Variants in LEMD3 observed in about 807,000 individuals in gnomAD.
LEMD3 encodes the protein LEM domain containing 3, also known as inner nuclear membrane protein Man1.
LEMD3 carries 33 observed loss-of-function variants against 95.2 expected under a neutral mutation model. The observed-to-expected ratio is 0.35, with a 90% confidence interval of 0.26 to 0.46. The LOEUF (loss-of-function observed/expected upper bound fraction) is 0.46. Ranked by LOEUF, LEMD3 falls within the 20% of genes least tolerant of loss-of-function variation. The pLI is 1.00. For missense variants in LEMD3, 1,210 were observed against 1,192.8 expected, an observed-to-expected ratio of 1.01 and a Z score of -0.21; for synonymous variants, 525 against 474.6, an observed-to-expected ratio of 1.11 and a Z score of -1.38.
chr12:65,174,106 T>C (rs747638679), intron 1 of LEMD3, among the ~76,000 whole-genome samples: 43 of 152,212 alleles, frequency 2.8e-4, no homozygotes, highest in Non-Finnish European at 5.3e-4. Flanking sequence ...AGAGTAACTT[T>C]TAGGAGGCTT....
In LEMD3 at chr12:65,175,372, C is replaced by G. The variant is rs547231641; in HGVS notation, c.1522+4254C>G. 4.8e-4 allele frequency among the ~76,000 whole-genome samples: 73 copies of G among 152,248 alleles called. No individual in the cohort carries two copies. In the South Asian group the frequency reaches 0.014, roughly 30 times the overall value. On this transcript the variant is annotated intron_variant, in intron 1 of 12. Coordinates refer to ENST00000308330, the MANE Select transcript of LEMD3 (RefSeq NM_014319.5). ...TCTAAAAATGTTGCTCTTCTGTGCT[C>G]TTTTCTTCTCTAGTTGTTACTCTTC...
At chr12:65,219,779 T>TA (rs1870228869) in intron 4 of LEMD3, among the ~76,000 whole-genome samples, 1 of 152,206 alleles carries the variant, frequency 6.6e-6, no homozygotes, top group Non-Finnish European at 1.5e-5. Context: ...GATTAACAGA[T>TA]ACCTCATATA....
chr12:65,237,743 C>A (rs1025414480), intron 4 of LEMD3, among the ~76,000 whole-genome samples: 3 of 152,104 alleles, frequency 2.0e-5, no homozygotes, highest in African/African-American at 7.2e-5. Flanking sequence ...AAGATGAATG[C>A]TAGTTTTTCA....
At chr12:65,223,299 ATTTTTTTTTTT>A (rs35145654) in intron 4 of LEMD3, among the ~76,000 whole-genome samples, 6 of 118,658 alleles carry the variant, frequency 5.1e-5, no homozygotes, top group Non-Finnish European at 1.0e-4. Context: ...TCATGTGATG[ATTTTTTTTTTT>A]TTTTTTTTTT....
intron 1 of LEMD3, among the ~76,000 whole-genome samples, chr12:65,208,251 G>A (rs1869824299): frequency 6.6e-6 from 1 of 152,218 alleles, no homozygotes; most frequent in Middle Eastern, 3.4e-3. Flanking sequence ...TGTTGGGAGT[G>A]TAGGGTTAAA....
chr12:65,183,564 A>G (rs1868970282), intron 1 of LEMD3, among the ~76,000 whole-genome samples: 1 of 152,196 alleles, frequency 6.6e-6, no homozygotes, highest in Non-Finnish European at 1.5e-5. Context: ...TTTTAGACAT[A>G]GACAGTGAGG....
chr12:65,214,492 G>A (rs981371289), intron 2 of LEMD3, among the ~76,000 whole-genome samples: 12 of 152,116 alleles, frequency 7.9e-5, no homozygotes, highest in African/African-American at 2.9e-4. Flanking sequence ...AGGTATTCTG[G>A]TGGTAGGATC....
At chr12:65,172,215 G>A (rs1200694665) in intron 1 of LEMD3, among the ~76,000 whole-genome samples, 1 of 152,162 alleles carries the variant, frequency 6.6e-6, no homozygotes, top group African/African-American at 2.4e-5. Flanking sequence ...TGTTTGTGAA[G>A]ATTAAAAGAG....
intron 1 of LEMD3, among the ~76,000 whole-genome samples, chr12:65,205,918 G>A (rs1415982081): frequency 1.3e-5 from 2 of 152,068 alleles, no homozygotes; most frequent in Admixed American, 1.3e-4. Context: ...TATACATCAA[G>A]GGAACTGTTC....
chr12:65,244,285 A>ACCCC (rs932123645), intron 10 of LEMD3, among the ~76,000 whole-genome samples: 4 of 144,916 alleles, frequency 2.8e-5, no homozygotes, highest in Admixed American at 2.1e-4. Context: ...ACACACACAC[A>ACCCC]CCCCCCCCAC....
At chr12:65,187,278 A>G (rs1384712659) in intron 1 of LEMD3, among the ~76,000 whole-genome samples, 1 of 152,140 alleles carries the variant, frequency 6.6e-6, no homozygotes, top group East Asian at 1.9e-4. Context: ...GTGAGTGTTT[A>G]CTATGAGGAT....
chr12:65,172,262 A>T (rs1444705521), intron 1 of LEMD3, among the ~76,000 whole-genome samples: 2 of 152,160 alleles, frequency 1.3e-5, no homozygotes, highest in Non-Finnish European at 2.9e-5. Flanking sequence ...CTGAATACAT[A>T]ATTTCTCAGT....
At chr12:65,244,886 T>C (rs1437443244) in intron 10 of LEMD3, among the ~76,000 whole-genome samples, 2 of 151,858 alleles carry the variant, frequency 1.3e-5, no homozygotes, top group African/African-American at 2.4e-5. Flanking sequence ...GGGAGGCACA[T>C]ATTGCAGTGA....
chr12:65,170,613 C>G lies in LEMD3; in HGVS notation c.1017C>G (p.Ala339=), dbSNP rs752106074. The change falls in exon 1 of 13, where the codon GCC becomes GCG. Residue 339 remains alanine (A), a synonymous_variant. Transcript: ENST00000308330. ...DRSRNLEEAA[A]AEQGGGCDQV... ...GCCGAAACCTCGAAGAGGCGGCGGCCGCGGAGCAGGGAGGAGGGTGTGATC... is the reference window on the plus strand; with the variant it reads ...GCCGAAACCTCGAAGAGGCGGCGGCGGCGGAGCAGGGAGGAGGGTGTGATC... The G allele has an allele frequency of 1.6e-5, 26 of 1,613,994 alleles. No homozygotes were observed. In the South Asian group the frequency reaches 2.2e-4, roughly 14 times the overall value.
Position 65,192,838 on chromosome 12 carries a change from A to C in LEMD3, c.1523-18088A>C, listed in dbSNP as rs560067519. ...GAATATCTGTCATTTAATTTAACTT[A>C]GCAAAACTCCAATAGTGTAAGTTAA... On this transcript the variant is annotated intron_variant, in intron 1 of 12. Transcript: ENST00000308330. Among the ~76,000 whole-genome samples, 9 of 152,302 alleles carry C rather than the reference A, an allele frequency of 5.9e-5. No homozygotes were observed. In the East Asian group the frequency reaches 1.7e-3, roughly 29 times the overall value.
intron 1 of LEMD3, among the ~76,000 whole-genome samples, chr12:65,178,629 A>C (rs1332969917): frequency 6.6e-6 from 1 of 152,232 alleles, no homozygotes; most frequent in Non-Finnish European, 1.5e-5. Context: ...ACGTAGCATT[A>C]ACTGTGTTCC....
At chr12:65,196,712 A>G (rs1264338946) in intron 1 of LEMD3, among the ~76,000 whole-genome samples, 1 of 152,072 alleles carries the variant, frequency 6.6e-6, no homozygotes, top group African/African-American at 2.4e-5. Flanking sequence ...CAAAACAAGT[A>G]GTTAAGCTTG....
chr12:65,174,787 G>T (rs890389024), intron 1 of LEMD3, among the ~76,000 whole-genome samples: 1 of 152,154 alleles, frequency 6.6e-6, no homozygotes, highest in East Asian at 1.9e-4. Flanking sequence ...CTGTTACAGA[G>T]CTTACATTTC....
At chr12:65,171,245 AGTGC>A in intron 1 of LEMD3, 127 bp downstream of exon 1, 4 of 1,504,086 alleles carry the variant, frequency 2.7e-6, no homozygotes, top group Non-Finnish European at 3.6e-6. Context: ...AAAACGCAAC[AGTGC>A]GTGCATGTGT....
Sources: allele counts gnomAD v4.1 joint callset (sites outside exome capture counted in the v4.1 genomes callset), GRCh38; gene constraint gnomAD v4.1.1; transcripts MANE v1.5; gene names NCBI Gene and HGNC (gene_info 2026-07-23, HGNC 2026-07-21).